TANC2: variants seen among roughly 807,000 people sequenced by gnomAD.
TANC2 encodes the protein protein TANC2.
A neutral mutation model predicts 210.5 loss-of-function variants in TANC2; 26 were observed. That is an observed-to-expected ratio of 0.12 (90% CI 0.09 to 0.17). The LOEUF (loss-of-function observed/expected upper bound fraction) is 0.17, where lower values mean the gene tolerates loss of function less well. TANC2 is among the 10% of genes least tolerant of loss of function. TANC2 has a pLI of 1.00. For missense variants in TANC2, 2,129 were observed against 2,608.9 expected, an observed-to-expected ratio of 0.82 and a Z score of 4.01; for synonymous variants, 931 against 967.1, an observed-to-expected ratio of 0.96 and a Z score of 0.69.
chr17:63,156,891 A>G (rs913518801), intron 5 of TANC2, among the ~76,000 whole-genome samples: 1 of 152,088 alleles, frequency 6.6e-6, no homozygotes, highest in African/African-American at 2.4e-5. Flanking sequence ...GGGTCTCACA[A>G]TTTTGTGTAG....
intron 11 of TANC2, among the ~76,000 whole-genome samples, chr17:63,335,346 C>T (rs2045989615): frequency 6.6e-6 from 1 of 152,130 alleles, no homozygotes; most frequent in Non-Finnish European, 1.5e-5. Flanking sequence ...GGCACGGTGG[C>T]TCATGCCTGT....
chr17:63,269,199 G>T (rs2043621689), intron 9 of TANC2, among the ~76,000 whole-genome samples: 1 of 152,064 alleles, frequency 6.6e-6, no homozygotes, highest in Non-Finnish European at 1.5e-5. Flanking sequence ...CCCATCAACA[G>T]CAGTTAGTTG....
intron 7 of TANC2, among the ~76,000 whole-genome samples, chr17:63,211,229 G>C (rs1349346998): frequency 6.6e-6 from 1 of 152,102 alleles, no homozygotes; most frequent in African/African-American, 2.4e-5. Flanking sequence ...AACAAAGTCT[G>C]ACCATATCAC....
At chr17:63,114,112 AT>A (rs1320526820) in intron 4 of TANC2, among the ~76,000 whole-genome samples, 2 of 152,210 alleles carry the variant, frequency 1.3e-5, no homozygotes, top group Non-Finnish European at 2.9e-5. Flanking sequence ...CTGCTTATCA[AT>A]AAAAACATTC....
intron 7 of TANC2, among the ~76,000 whole-genome samples, chr17:63,216,118 G>A (rs564652626): frequency 2.6e-5 from 4 of 151,538 alleles, no homozygotes; most frequent in South Asian, 4.2e-4. Context: ...GTGCGATCTC[G>A]GCTCACTGCA....
chr17:63,248,151 G>A (rs893760952), intron 8 of TANC2, among the ~76,000 whole-genome samples: 16 of 152,000 alleles, frequency 1.1e-4, no homozygotes, highest in Admixed American at 2.6e-4. Flanking sequence ...AAATTTTCTC[G>A]TCTCAGGAGG....
At chr17:63,060,956 C>A (rs939586566) in intron 2 of TANC2, among the ~76,000 whole-genome samples, 1 of 152,014 alleles carries the variant, frequency 6.6e-6, no homozygotes, top group Admixed American at 6.6e-5. Context: ...GCCTACAGTC[C>A]CAGCTACTTG....
At chr17:63,377,988 G>A (rs533836569) in intron 14 of TANC2, among the ~76,000 whole-genome samples, 13 of 152,174 alleles carry the variant, frequency 8.5e-5, no homozygotes, top group South Asian at 8.3e-4. Flanking sequence ...GGGGTAAACC[G>A]CCCCCATGAT....
intron 14 of TANC2, among the ~76,000 whole-genome samples, chr17:63,377,742 A>G (rs1334452721): frequency 6.6e-6 from 1 of 152,142 alleles, no homozygotes; most frequent in Non-Finnish European, 1.5e-5. Context: ...TGCAGTACCA[A>G]CTTACTGTAT....
chr17:63,044,122 T>C (rs2035291126), intron 2 of TANC2, among the ~76,000 whole-genome samples: 1 of 152,168 alleles, frequency 6.6e-6, no homozygotes, highest in African/African-American at 2.4e-5. Flanking sequence ...ATATGTGCAT[T>C]CCATTAGTTC....
chr17:63,342,550 G>A (rs1320054530), intron 12 of TANC2, among the ~76,000 whole-genome samples: 2 of 152,208 alleles, frequency 1.3e-5, no homozygotes, highest in East Asian at 1.9e-4. Flanking sequence ...GCCGAGGCAG[G>A]TGGATCACGA....
chr17:63,139,259 C>G (rs1490151831), intron 4 of TANC2, among the ~76,000 whole-genome samples: 1 of 152,152 alleles, frequency 6.6e-6, no homozygotes, highest in African/African-American at 2.4e-5. Context: ...CTTAAATGCA[C>G]TTGCCTAAAT....
chr17:63,236,268 C>A (rs1308125259), intron 7 of TANC2, among the ~76,000 whole-genome samples: 2 of 151,964 alleles, frequency 1.3e-5, no homozygotes, highest in African/African-American at 4.8e-5. Context: ...TAGACCTGAG[C>A]TGTAGTTTCT....
intron 1 of TANC2, among the ~76,000 whole-genome samples, chr17:62,996,989 A>ATTTTTTTTTTTTTTTTTTTTTTTTTT: frequency 2.4e-4 from 33 of 135,044 alleles, no homozygotes; most frequent in African/African-American, 9.0e-4. Flanking sequence ...AATTTTTTGT[A>ATTTTTTTTTTTTTTTTTTTTTTTTTT]TTTTTAGTAT....
At chr17:63,395,271 T>G (rs1311428516) in intron 17 of TANC2, among the ~76,000 whole-genome samples, 1 of 152,246 alleles carries the variant, frequency 6.6e-6, no homozygotes, top group Non-Finnish European at 1.5e-5. Flanking sequence ...AGTTTGGTGG[T>G]CAAATGATTC....
intron 2 of TANC2, among the ~76,000 whole-genome samples, chr17:63,010,815 TG>T (rs1483722919): frequency 6.6e-6 from 1 of 152,096 alleles, no homozygotes; most frequent in East Asian, 1.9e-4. Context: ...ATGGAAGATG[TG>T]GGTAGGGCAA....
intron 15 of TANC2, chr17:63,381,152 G>A (rs1046763625): frequency 1.3e-5 from 2 of 152,186 alleles, no homozygotes; most frequent in Non-Finnish European, 2.9e-5. Flanking sequence ...CACATTCACA[G>A]AGAAGTAGCA....
At chr17:63,322,415 G>A (rs374789884) in intron 11 of TANC2, among the ~76,000 whole-genome samples, 4 of 152,068 alleles carry the variant, frequency 2.6e-5, no homozygotes, top group South Asian at 2.1e-4. Flanking sequence ...GGAGAATGGC[G>A]TGAACCTGGG....
intron 3 of TANC2, among the ~76,000 whole-genome samples, chr17:63,080,669 A>C (rs539995918): frequency 1.1e-3 from 170 of 152,336 alleles, no homozygotes; most frequent in Non-Finnish European, 1.6e-3. Flanking sequence ...TGAGATGTTT[A>C]TGCTCTTGAA....
Sources: allele counts gnomAD v4.1 joint callset (sites outside exome capture counted in the v4.1 genomes callset), GRCh38; gene constraint gnomAD v4.1.1; transcripts MANE v1.5; gene names NCBI Gene and HGNC (gene_info 2026-07-23, HGNC 2026-07-21).